The following TMC2 variants were observed in gnomAD, a reference collection of about 807,000 sequenced individuals.
TMC2 encodes the protein transmembrane channel like 2, also known as transmembrane channel-like protein 2.
In TMC2, 102 loss-of-function variants were observed where a neutral mutation model predicts 105.9. The ratio of observed to expected loss-of-function variants is 0.96; its 90% CI spans 0.82 to 1.14. The LOEUF (loss-of-function observed/expected upper bound fraction) is 1.14, where lower values mean the gene tolerates loss of function less well. TMC2 is among the 50% of genes most tolerant of loss of function. The pLI is 0.00. For missense variants in TMC2, 1,093 were observed against 1,134.3 expected (o/e 0.96, Z 0.52); for synonymous variants, 402 against 422.8 (o/e 0.95, Z 0.60).
intron 12 of TMC2, 146 bp downstream of exon 12, chr20:2,610,744 G>T (rs1174649914): frequency 5.0e-6 from 2 of 401,202 alleles, no homozygotes; most frequent in Non-Finnish European, 7.6e-6. Context: ...AAACTCCTTG[G>T]ACTCTATGAC....
In TMC2 at chr20:2,642,973, C is replaced by T. The variant is rs565384388; in HGVS notation, c.*1622C>T. ...GAGACGAAGATTTTTACAGCAATTT[C>T]ATAAGCTGTACAATTAAAATAATTT... On this transcript the variant is annotated 3_prime_UTR_variant, in exon 20 of 20. Coordinates refer to ENST00000358864, the MANE Select transcript of TMC2 (RefSeq NM_080751.3). Among the ~76,000 whole-genome samples the T allele has an allele frequency of 1.3e-5, 2 of 152,314 alleles. No individual in the cohort carries two copies. Among genetic ancestry groups the T allele is most frequent in the Admixed American group, 6.5e-5 (1 of 15,304 alleles).
chr20:2,619,478 G>T (rs2086509178), intron 16 of TMC2, among the ~76,000 whole-genome samples: 1 of 152,182 alleles, frequency 6.6e-6, no homozygotes, highest in Admixed American at 6.5e-5. Flanking sequence ...TTACAAGGCA[G>T]ATTAGCATGT....
At position 2,577,011 on chromosome 20, in the gene TMC2, G is replaced by A. The variant is rs945677574; in HGVS notation, c.646-2135G>A. ...GCAACCTCCGCCTCCTGGGTTAAGT[G>A]ACTCCCCTGCCTCAGCCTCCTGAAT... On this transcript the variant is annotated intron_variant, in intron 5 of 19. Coordinates refer to ENST00000358864, the MANE Select transcript of TMC2 (RefSeq NM_080751.3). Among the ~76,000 whole-genome samples, 7 of 149,868 alleles carry A rather than the reference G, an allele frequency of 4.7e-5. No homozygotes were observed. In the Admixed American group the frequency reaches 4.7e-4, roughly 10 times the overall value.
intron 11 of TMC2, among the ~76,000 whole-genome samples, chr20:2,605,597 C>G (rs2086385094): frequency 2.6e-5 from 4 of 152,168 alleles, no homozygotes; most frequent in Admixed American, 6.5e-5. Flanking sequence ...GGCCCCATCT[C>G]CAAATAGTCA....
chr20:2,639,180 C>A (rs1568534110), intron 19 of TMC2, among the ~76,000 whole-genome samples: 1 of 152,222 alleles, frequency 6.6e-6, no homozygotes. Context: ...CAGGCCTGAG[C>A]CACCGCGTCC....
intron 7 of TMC2, among the ~76,000 whole-genome samples, chr20:2,582,369 G>T (rs1216827385): frequency 6.6e-6 from 1 of 152,152 alleles, no homozygotes; most frequent in Non-Finnish European, 1.5e-5. Context: ...AAGGTTCAGA[G>T]ATATCCCCAC....
intron 2 of TMC2, among the ~76,000 whole-genome samples, chr20:2,548,441 C>T (rs984491688): frequency 9.2e-5 from 14 of 151,954 alleles, no homozygotes; most frequent in African/African-American, 3.1e-4. Flanking sequence ...GGGTTCGAGA[C>T]GAGGCTGACC....
intron 2 of TMC2, among the ~76,000 whole-genome samples, chr20:2,540,610 T>A: frequency 7.1e-6 from 1 of 141,070 alleles, no homozygotes; most frequent in East Asian, 2.1e-4. Context: ...GCAGTGAGCC[T>A]AGATGGTGCC....
intron 9 of TMC2, among the ~76,000 whole-genome samples, chr20:2,596,004 C>T (rs1362822000): frequency 6.6e-6 from 1 of 152,164 alleles, no homozygotes; most frequent in Non-Finnish European, 1.5e-5. Context: ...TCTTAGCCCT[C>T]ATGTTGTTGC....
intron 11 of TMC2, among the ~76,000 whole-genome samples, chr20:2,609,940 A>C (rs11698412): frequency 6.6e-6 from 1 of 151,860 alleles, no homozygotes; most frequent in African/African-American, 2.4e-5. Context: ...CTCCGCCTCC[A>C]GGGTTCAAGC....
At chr20:2,575,946 C>T (rs2086141362) in intron 5 of TMC2, among the ~76,000 whole-genome samples, 1 of 152,118 alleles carries the variant, frequency 6.6e-6, no homozygotes, top group South Asian at 2.1e-4. Context: ...ATATCCTTTA[C>T]TTTAGAAGCC....
At chr20:2,546,520 T>TTGGGCATAAGCTGTCC (rs1217867055) in intron 2 of TMC2, among the ~76,000 whole-genome samples, 5 of 37,324 alleles carry the variant, frequency 1.3e-4, no homozygotes, top group Non-Finnish European at 2.3e-4. Context: ...ATAAGCTGTC[T>TTGGGCATAAGCTGTCC]ACATCTGAGG....
chr20:2,625,633 C>G (rs964369913), intron 17 of TMC2, among the ~76,000 whole-genome samples: 1 of 152,202 alleles, frequency 6.6e-6, no homozygotes, highest in African/African-American at 2.4e-5. Context: ...CACAGTTTAT[C>G]CATTCCTCTG....
intron 5 of TMC2, 66 bp downstream of exon 5, chr20:2,572,335 C>T: frequency 7.9e-7 from 1 of 1,273,814 alleles, no homozygotes; most frequent in Non-Finnish European, 1.1e-6. Flanking sequence ...TGGCGACCAA[C>T]TTCGGCAACT....
chr20:2,557,724 T>C (rs2085993414), intron 2 of TMC2, among the ~76,000 whole-genome samples: 1 of 151,968 alleles, frequency 6.6e-6, no homozygotes, highest in Non-Finnish European at 1.5e-5. Context: ...ACAGATGGGG[T>C]TTCACCACCT....
In TMC2 at chr20:2,592,228, A is replaced by G. The variant is rs2086273924; in HGVS notation, c.835-82A>G. The G allele has an allele frequency of 1.2e-6, 1 of 829,118 alleles. No individual in the cohort carries two copies. Among genetic ancestry groups the G allele is most frequent in the Admixed American group, 2.1e-5 (1 of 48,500 alleles). The allele number at this position is 829,118 out of a possible 1,614,324, so 51.4% of individuals were successfully genotyped here. A position where few individuals can be genotyped will look rare whatever the true frequency, so the allele number is the denominator to read the frequency against. Reference sequence around the variant, plus strand: ...TAGGTGTATTCCGCTCTGAGAAGGAAAGCATTTACCCCAGTATATGAATGT... The same window carrying G: ...TAGGTGTATTCCGCTCTGAGAAGGAGAGCATTTACCCCAGTATATGAATGT... On this transcript the variant is annotated intron_variant, in intron 7 of 19. Coordinates refer to ENST00000358864, the MANE Select transcript of TMC2 (RefSeq NM_080751.3). This position sits in a 1 kb window ranked among gnomAD's most constrained non-coding sequence, Gnocchi z 4.9.
In TMC2 at chr20:2,592,612, C is replaced by G. The variant is rs2086277552; in HGVS notation, c.933+204C>G. ...ACGCACTGCTCTCTCCAGCCACACT[C>G]TGACAGATGTGGGCTCCCCATGCAG... On this transcript the variant is annotated intron_variant, in intron 8 of 19. Transcript: ENST00000358864. This position sits in a 1 kb window ranked among gnomAD's most constrained non-coding sequence, Gnocchi z 4.9. Among the ~76,000 whole-genome samples the G allele has an allele frequency of 6.6e-6, 1 of 152,218 alleles. No homozygotes were observed. Among genetic ancestry groups the G allele is most frequent in the African/African-American group, 2.4e-5 (1 of 41,456 alleles).
Position 2,610,476 on chromosome 20 carries a change from G to T in TMC2, c.1471G>T (p.Ala491Ser), listed in dbSNP as rs150688244. ...TTGTCCCCCTCTGTTTGAAACCATC[G>T]CTGCCCTGGAGAATTACCACCCACG... ...MFCPPLFETI[A>S]ALENYHPRTG... The change falls in exon 12 of 20, where the codon GCT (alanine) becomes TCT (serine). Residue 491 changes from alanine (A) to serine (S), a missense_variant. Transcript: ENST00000358864. 7 of 1,613,468 alleles carry T rather than the reference G, an allele frequency of 4.3e-6. No individual in the cohort carries two copies. The highest frequency in any genetic ancestry group is 1.3e-5 in the African/African-American group (1 of 74,916).
At position 2,641,472 on chromosome 20, in the gene TMC2, T is replaced by C. The variant is rs2086689066; in HGVS notation, c.*121T>C. ...CACATACATGCTCTGTCTCCTCTCT[T>C]GGAATGCATGAACTTTGATTCCTTC... On this transcript the variant is annotated 3_prime_UTR_variant, in exon 20 of 20. Coordinates refer to ENST00000358864, the MANE Select transcript of TMC2 (RefSeq NM_080751.3). 1.1e-5 allele frequency: 7 copies of C among 642,684 alleles called. No individual in the cohort carries two copies. Among genetic ancestry groups the C allele is most frequent in the Admixed American group, 2.7e-5 (1 of 36,976 alleles). The allele number at this position is 642,684 out of a possible 1,614,324, so 39.8% of individuals were successfully genotyped here. A position where few individuals can be genotyped will look rare whatever the true frequency, so the allele number is the denominator to read the frequency against.
Sources: gnomAD v4.1 joint callset for allele counts (sites outside exome capture counted in the v4.1 genomes callset) on GRCh38, gnomAD v4.1.1 for gene constraint, Gnocchi (gnomAD v3.1) non-coding constraint, MANE v1.5 for transcripts, NCBI Gene and HGNC (gene_info 2026-07-23, HGNC 2026-07-21) for gene names.